The following BRINP3 variants were observed in gnomAD, a reference collection of about 807,000 sequenced individuals.
BRINP3 encodes BMP/retinoic acid inducible neural specific 3, also known as BMP/retinoic acid-inducible neural-specific protein 3.
BRINP3 carries 19 observed loss-of-function variants against 71.0 expected under a neutral mutation model. The observed-to-expected ratio is 0.27, with a 90% CI of 0.19 to 0.39. The LOEUF (loss-of-function observed/expected upper bound fraction) is 0.39. Ranked by LOEUF, BRINP3 falls within the 10% of genes least tolerant of loss-of-function variation. The pLI, the probability that BRINP3 is intolerant of heterozygous loss-of-function variation, is 1.00. For synonymous variants in BRINP3, 380 were observed against 337.7 expected (o/e 1.13, Z -1.37); for missense variants, 959 against 940.8 (o/e 1.02, Z -0.25).
chr1:190,328,529 A>G (rs1666755981), intron 2 of BRINP3, among the ~76,000 whole-genome samples: 1 of 152,072 alleles, frequency 6.6e-6, no homozygotes, highest in East Asian at 1.9e-4. Flanking sequence ...TAGTTCAGAA[A>G]TTGAATCATT....
chr1:190,258,125 T>C (rs1465048110), intron 4 of BRINP3, among the ~76,000 whole-genome samples: 1 of 152,200 alleles, frequency 6.6e-6, no homozygotes, highest in Admixed American at 6.5e-5. Context: ...CATGCTGAAC[T>C]GTGGGGGGCT....
chr1:190,312,321 A>C, intron 2 of BRINP3, among the ~76,000 whole-genome samples: 1 of 151,374 alleles, frequency 6.6e-6, no homozygotes, highest in East Asian at 1.9e-4. Context: ...AAAAGCCAAA[A>C]TAAATTTTGA....
At chr1:190,345,448 T>C (rs1667954307) in intron 2 of BRINP3, among the ~76,000 whole-genome samples, 1 of 151,788 alleles carries the variant, frequency 6.6e-6, no homozygotes, top group Admixed American at 6.6e-5. Flanking sequence ...CCTCTCTTCC[T>C]TCTTTATATT....
intron 2 of BRINP3, among the ~76,000 whole-genome samples, chr1:190,337,613 C>G (rs911082773): frequency 6.6e-6 from 1 of 152,010 alleles, no homozygotes; most frequent in African/African-American, 2.4e-5. Context: ...AAACCTACAC[C>G]AGTCATTTGC....
intron 2 of BRINP3, among the ~76,000 whole-genome samples, chr1:190,328,980 T>C (rs867277206): frequency 3.9e-5 from 6 of 152,058 alleles, no homozygotes; most frequent in Non-Finnish European, 8.8e-5. Flanking sequence ...CGTTGCTTCA[T>C]GATAAAAATC....
chr1:190,268,974 G>A (rs1421497636), intron 3 of BRINP3, among the ~76,000 whole-genome samples: 1 of 152,006 alleles, frequency 6.6e-6, no homozygotes, highest in African/African-American at 2.4e-5. Flanking sequence ...AGGAAAATTA[G>A]TCATGTCAGC....
intron 2 of BRINP3, among the ~76,000 whole-genome samples, chr1:190,392,637 A>G (rs147037801): frequency 6.6e-6 from 1 of 151,804 alleles, no homozygotes; most frequent in African/African-American, 2.4e-5. Flanking sequence ...CCAACTTGTA[A>G]TAGTTCACAT....
chr1:190,461,967 C>T (rs374665880), intron 1 of BRINP3, among the ~76,000 whole-genome samples: 8 of 152,052 alleles, frequency 5.3e-5, no homozygotes, highest in Admixed American at 1.3e-4. Flanking sequence ...CAGGCTGGAG[C>T]GCAGTGGCTC....
intron 2 of BRINP3, among the ~76,000 whole-genome samples, chr1:190,357,086 T>A (rs1278884307): frequency 2.0e-5 from 3 of 152,002 alleles, no homozygotes; most frequent in African/African-American, 7.3e-5. Flanking sequence ...TCCTCCTTTT[T>A]AAACCCCAAG....
intron 4 of BRINP3, among the ~76,000 whole-genome samples, chr1:190,248,826 T>A: frequency 6.6e-6 from 1 of 151,724 alleles, no homozygotes; most frequent in Non-Finnish European, 1.5e-5. Context: ...TCTTATATTT[T>A]TCTTTACTTT....
intron 2 of BRINP3, among the ~76,000 whole-genome samples, chr1:190,365,195 C>T (rs963796): frequency 0.36 from 54,968 of 151,800 alleles, 11,001 homozygotes; most frequent in Admixed American, 0.48. Flanking sequence ...GACTCCTGAA[C>T]ATGAAGTGGG....
chr1:190,312,036 A>AT (rs1665560772), intron 2 of BRINP3, among the ~76,000 whole-genome samples: 1 of 68,296 alleles, frequency 1.5e-5, no homozygotes. Context: ...TGAAAAGTCA[A>AT]ATATATATAT....
chr1:190,167,032 T>A (rs1651613911), intron 6 of BRINP3, among the ~76,000 whole-genome samples: 1 of 151,474 alleles, frequency 6.6e-6, no homozygotes, highest in African/African-American at 2.4e-5. Context: ...GCCTATGAAA[T>A]TTTTTTTTAC....
At chr1:190,242,884 G>T (rs1272012467) in intron 4 of BRINP3, among the ~76,000 whole-genome samples, 1 of 152,050 alleles carries the variant, frequency 6.6e-6, no homozygotes, top group Non-Finnish European at 1.5e-5. Context: ...ACTCTATTTA[G>T]GAACAAAATT....
chr1:190,178,560 T>C (rs1205225857), intron 6 of BRINP3, among the ~76,000 whole-genome samples: 1 of 152,134 alleles, frequency 6.6e-6, no homozygotes, highest in African/African-American at 2.4e-5. Context: ...GGTAAAAATG[T>C]TGATGCTAAA....
intron 2 of BRINP3, among the ~76,000 whole-genome samples, chr1:190,411,454 G>A (rs1371807988): frequency 1.3e-5 from 2 of 151,992 alleles, no homozygotes; most frequent in African/African-American, 2.4e-5. Flanking sequence ...GAAAATAATA[G>A]GCCACAATGC....
intron 2 of BRINP3, among the ~76,000 whole-genome samples, chr1:190,411,572 AT>A (rs961554137): frequency 6.6e-6 from 1 of 152,138 alleles, no homozygotes; most frequent in African/African-American, 2.4e-5. Flanking sequence ...AGTAAATTGA[AT>A]TTTTTTAAAT....
chr1:190,106,389 C>A (rs1302981732), intron 7 of BRINP3, among the ~76,000 whole-genome samples: 1 of 151,544 alleles, frequency 6.6e-6, no homozygotes, highest in East Asian at 1.9e-4. Flanking sequence ...ACCTTCAAAA[C>A]CTTTATTGCT....
At chr1:190,422,368 A>G (rs1673442863) in intron 2 of BRINP3, among the ~76,000 whole-genome samples, 1 of 151,880 alleles carries the variant, frequency 6.6e-6, no homozygotes, top group South Asian at 2.1e-4. Flanking sequence ...AGAAGATCAT[A>G]TTGCTCAGAT....
Sources: allele counts gnomAD v4.1 joint callset (sites outside exome capture counted in the v4.1 genomes callset), GRCh38; gene constraint gnomAD v4.1.1; transcripts MANE v1.5; gene names NCBI Gene and HGNC (gene_info 2026-07-23, HGNC 2026-07-21).